DNAH1: variants seen among roughly 807,000 people sequenced by gnomAD.
DNAH1 encodes the protein dynein axonemal heavy chain 1.
In DNAH1, 327 loss-of-function variants were observed where a neutral mutation model predicts 484.3. The ratio of observed to expected loss-of-function variants is 0.68; its 90% CI spans 0.62 to 0.74. DNAH1 has a LOEUF of 0.74. Among genes scored for constraint, DNAH1 ranks in the 30% least tolerant of loss-of-function variants. The pLI is 0.00. For synonymous variants in DNAH1, 2,192 were observed against 2,191.9 expected (o/e 1.00, Z 0.00); for missense variants, 5,052 against 5,546.8 (o/e 0.91, Z 2.83).
intron 8 of DNAH1, among the ~76,000 whole-genome samples, chr3:52,339,481 G>A (rs945352945): frequency 6.6e-6 from 1 of 151,906 alleles, no homozygotes; most frequent in African/African-American, 2.4e-5. Flanking sequence ...GATTCAAGGT[G>A]GTTTTTCAGA....
Position 52,368,041 on chromosome 3 carries a change from G to GA in DNAH1, c.5766-696dup, listed in dbSNP as rs905674691. Reference sequence around the variant, plus strand: ...GGGGCAGGGTGAGCATCAGTGGGTGGAAAATCCAGAGGAAACATCAGTGGT... The same window carrying GA: ...GGGGCAGGGTGAGCATCAGTGGGTGGAAAAATCCAGAGGAAACATCAGTGGT... On this transcript the variant is annotated intron_variant, in intron 36 of 77. Transcript: ENST00000420323. This position sits in a 1 kb window ranked among gnomAD's most constrained non-coding sequence, Gnocchi z 4.4. Among the ~76,000 whole-genome samples the GA allele has an allele frequency of 6.6e-6, 1 of 152,170 alleles. No individual in the cohort carries two copies.
Position 52,395,199 on chromosome 3 carries a change from C to A in DNAH1, c.10969-109C>A. The A allele has an allele frequency of 4.7e-6, 7 of 1,493,038 alleles. No homozygotes were observed. Among genetic ancestry groups the A allele is most frequent in the Admixed American group, 2.1e-5 (1 of 47,372 alleles). 92.5% of individuals were successfully genotyped at this position (1,493,038 alleles called of 1,614,324 possible). A position where few individuals can be genotyped will look rare whatever the true frequency, so the allele number is the denominator to read the frequency against. ...CCCTAAAGGCTCTGAGGTTCCAGCC[C>A]CCACCAGGAAGCCCACTGGGGACCA... is the stretch of plus-strand genomic sequence containing the variant. On this transcript the variant is annotated intron_variant, in intron 68 of 77. Coordinates refer to ENST00000420323, the MANE Select transcript of DNAH1 (RefSeq NM_015512.5). This position sits in a 1 kb window ranked among gnomAD's most constrained non-coding sequence, Gnocchi z 4.4.
chr3:52,340,687 G>A (rs1055224420), intron 8 of DNAH1, among the ~76,000 whole-genome samples: 61 of 152,080 alleles, frequency 4.0e-4, no homozygotes, highest in East Asian at 1.9e-4. Context: ...CACCCACCTC[G>A]GCCTCCCAAA....
In DNAH1 at chr3:52,331,188, G is replaced by C. The variant is rs1395681411; in HGVS notation, c.912G>C (p.Glu304Asp). The stretch of plus-strand genomic sequence containing the variant: ...AGAAGCTGAAGTACAAATGGTGCGA[G>C]GTCGGCGTCCTGGACTACGACGAGG... Reference protein sequence around the residue: ...KSQKLKYKWCEVGVLDYDEEK... With the variant: ...KSQKLKYKWCDVGVLDYDEEK... Residue 304 changes from glutamate to aspartate, a missense_variant, in exon 7 of 78, where the codon GAG (glutamate) becomes GAC (aspartate). Glu to Asp is a conservative substitution (Grantham distance 45). Around this residue, in one of 4 missense-constraint regions of DNAH1, gnomAD observed 1,263 missense variants for 1,218.8 expected, o/e 1.04. Transcript: ENST00000420323. 4.4e-6 allele frequency: 7 copies of C among 1,605,730 alleles called. No individual in the cohort carries two copies. In the East Asian group the frequency reaches 1.6e-4, roughly 36 times the overall value.
chr3:52,334,931 A>C (rs34238085), intron 8 of DNAH1, among the ~76,000 whole-genome samples: 29,842 of 150,894 alleles, frequency 0.2, 3,421 homozygotes, highest in African/African-American at 0.31. Flanking sequence ...TCACTGCAAG[A>C]TCCGCCCCCC....
intron 5 of DNAH1, among the ~76,000 whole-genome samples, chr3:52,327,450 C>G (rs1474500517): frequency 6.6e-6 from 1 of 152,158 alleles, no homozygotes; most frequent in Non-Finnish European, 1.5e-5. Context: ...TAGCTAAGGG[C>G]TACCTCCTGA....
chr3:52,380,064 A>G lies in DNAH1; in HGVS notation c.7537A>G (p.Ile2513Val). The G allele has an allele frequency of 6.2e-7, 1 of 1,605,280 alleles. No individual in the cohort carries two copies. The highest frequency in any genetic ancestry group is 8.5e-7 in the Non-Finnish European group (1 of 1,175,958). The change falls in exon 48 of 78, where the codon ATT becomes GTT. Residue 2513 changes from isoleucine (I) to valine (V), a missense_variant. By Grantham distance (29) the Ile-to-Val change is conservative (BLOSUM62 3). Transcript: ENST00000420323. ...CAACAAGGTCTGCCCCTTCCAGCCC[A>G]TTCTTTACGGGGACTTCATGTCACC... ...TFNKVCPFQP[I>V]LYGDFMSPGS...
chr3:52,357,289 G>A (rs1227329867), intron 22 of DNAH1, among the ~76,000 whole-genome samples: 6 of 152,110 alleles, frequency 3.9e-5, no homozygotes, highest in African/African-American at 1.2e-4. Flanking sequence ...CCTGACCTCA[G>A]GTGATCTACC....
At chr3:52,360,623 T>C (rs1702815245) in intron 28 of DNAH1, among the ~76,000 whole-genome samples, 199 bp downstream of exon 28, 1 of 152,068 alleles carries the variant, frequency 6.6e-6, no homozygotes, top group African/African-American at 2.4e-5. Context: ...ACTTGACCCC[T>C]CTGTGCCTGA....
chr3:52,399,669 A>G lies in DNAH1; in HGVS notation c.12566A>G (p.Lys4189Arg), dbSNP rs1578212960. The part of the protein sequence containing the change: ...EAFQLAESQP[K>R]ELYTEMAVIW... Reference sequence around the variant, plus strand: ...TTCCAGCTGGCTGAGTCTCAGCCCAAGGAGCTGTACACAGAGATGGCCGTT... The same window carrying G: ...TTCCAGCTGGCTGAGTCTCAGCCCAGGGAGCTGTACACAGAGATGGCCGTT... The change falls in exon 77 of 78, where the codon AAG becomes AGG. Residue 4189 changes from lysine to arginine, a missense_variant. Physicochemically the swap from Lys to Arg is conservative, Grantham distance 26. This residue lies in a region of DNAH1 where 853 missense variants were observed against 899.0 expected (regional missense o/e 0.95). Coordinates refer to ENST00000420323, the MANE Select transcript of DNAH1 (RefSeq NM_015512.5). 5 of 1,614,022 alleles carry G rather than the reference A, an allele frequency of 3.1e-6. No individual in the cohort carries two copies. The East Asian group carries it at 1.1e-4, about 36-fold the overall frequency.
intron 32 of DNAH1, among the ~76,000 whole-genome samples, chr3:52,363,540 C>T (rs1702950630): frequency 6.6e-6 from 1 of 152,210 alleles, no homozygotes; most frequent in African/African-American, 2.4e-5. Context: ...CCCAGCACCA[C>T]CATCCTTCCA....
intron 60 of DNAH1, 104 bp from the exon 61 acceptor site, chr3:52,390,831 G>A (rs568057119): frequency 6.7e-7 from 1 of 1,500,538 alleles, no homozygotes; most frequent in African/African-American, 1.4e-5. Context: ...GCAGTAAGGA[G>A]AGGGAAGTCC....
chr3:52,372,856 G>T lies in DNAH1; in HGVS notation c.6828-40G>T, dbSNP rs780815872. The T allele has an allele frequency of 1.9e-6, 3 of 1,584,414 alleles. No homozygotes were observed. In the African/African-American group the frequency reaches 4.1e-5, roughly 21 times the overall value. The stretch of plus-strand genomic sequence containing the variant: ...CGCCCCTGGATTCTCAGAGGACCTG[G>T]TGCCTGTGGGTGCTGGGCTCACACA... On this transcript the variant is annotated intron_variant, in intron 43 of 77. Transcript: ENST00000420323.
rs1363953817 is a variant in DNAH1 at position 52,353,866 on chromosome 3, A to G, written c.3480+233A>G. Reference sequence around the variant, plus strand: ...TTCAGTTACTCCTCTCAAGAGCCCCAGGAAGGAGCTAATAGCATTAGCCTC... The same window carrying G: ...TTCAGTTACTCCTCTCAAGAGCCCCGGGAAGGAGCTAATAGCATTAGCCTC... On this transcript the variant is annotated intron_variant, in intron 20 of 77. Coordinates refer to ENST00000420323, the MANE Select transcript of DNAH1 (RefSeq NM_015512.5). This position sits in a 1 kb window ranked among gnomAD's most constrained non-coding sequence, Gnocchi z 5.0. The G allele has an allele frequency of 1.4e-5, 8 of 589,536 alleles. No homozygotes were observed. Among genetic ancestry groups the G allele is most frequent in the Non-Finnish European group, 2.3e-5 (8 of 342,190 alleles). 36.5% of individuals were successfully genotyped at this position (589,536 alleles called of 1,614,324 possible). A position where few individuals can be genotyped will look rare whatever the true frequency, so the allele number is the denominator to read the frequency against.
chr3:52,386,692 GT>G lies in DNAH1; in HGVS notation c.8843del (p.Val2948GlyfsTer5). ...VRAMQRPPPG[V>X]KLVIEAVCIM... Reference sequence around the variant, plus strand: ...TGCCATGCAGCGGCCACCCCCGGGTGTGAAACTGGTCATAGAAGCTGTGTGC... The same window carrying G: ...TGCCATGCAGCGGCCACCCCCGGGTGGAAACTGGTCATAGAAGCTGTGTGC... On this transcript the variant is annotated frameshift_variant, in exon 56 of 78. Coordinates refer to ENST00000420323, the MANE Select transcript of DNAH1 (RefSeq NM_015512.5). LOFTEE classifies it high-confidence loss of function. 1 of 1,591,024 alleles carries G rather than the reference GT, an allele frequency of 6.3e-7. No homozygotes were observed. The highest frequency in any genetic ancestry group is 8.6e-7 in the Non-Finnish European group (1 of 1,169,258).
In DNAH1 at chr3:52,388,860, C is replaced by T. The variant is rs746475963; in HGVS notation, c.9418C>T (p.Leu3140=). The T allele has an allele frequency of 1.9e-6, 3 of 1,613,824 alleles. No individual in the cohort carries two copies. The highest frequency in any genetic ancestry group is 2.5e-6 in the Non-Finnish European group (3 of 1,179,876). The change falls in exon 59 of 78, where the codon CTG becomes TTG. Residue 3140 remains leucine, a synonymous_variant. Transcript: ENST00000420323. The part of the protein sequence containing the change: ...KVRWQETVEN[L]QYMLNNISGD... Reference sequence around the variant, plus strand: ...GCGCTGGCAGGAGACGGTGGAGAACCTGCAGTACATGCTCAACAACATCTC... The same window carrying T: ...GCGCTGGCAGGAGACGGTGGAGAACTTGCAGTACATGCTCAACAACATCTC...
chr3:52,344,649 T>G lies in DNAH1; in HGVS notation c.1444+2T>G. The stretch of plus-strand genomic sequence containing the variant: ...AGGAGGAGCAGGTGCCTGAGCGAGG[T>G]GAGGGTCACTGGACCAAGATGGGCT... On this transcript the variant is annotated splice_donor_variant, in intron 9 of 77. Transcript: ENST00000420323. LOFTEE classifies it high-confidence loss of function. The G allele has an allele frequency of 6.2e-7, 1 of 1,611,560 alleles. No individual in the cohort carries two copies. The highest frequency in any genetic ancestry group is 8.5e-7 in the Non-Finnish European group (1 of 1,179,328).
chr3:52,356,555 AC>A, intron 21 of DNAH1, 58 bp from the exon 22 acceptor site: 1 of 1,575,734 alleles, frequency 6.3e-7, no homozygotes, highest in South Asian at 1.1e-5. Context: ...ATTGGGACAA[AC>A]CCCAGCTTGG....
chr3:52,368,881 T>G lies in DNAH1; in HGVS notation c.5906T>G (p.Leu1969Arg). ...MNTVLDDNKKLCLSSGEIIKL... is the reference protein window; with the variant it reads ...MNTVLDDNKKRCLSSGEIIKL... ...ACGGTGCTGGATGACAACAAGAAGC[T>G]GTGCCTCAGCTCTGGGGAGATCATC... Residue 1969 changes from leucine (L) to arginine (R), a missense_variant, in exon 37 of 78, where the codon CTG becomes CGG. This residue lies in a region of DNAH1 where 2,929 missense variants were observed against 3,409.4 expected (regional missense o/e 0.86). Coordinates refer to ENST00000420323, the MANE Select transcript of DNAH1 (RefSeq NM_015512.5). This position sits in a 1 kb window ranked among gnomAD's most constrained non-coding sequence, Gnocchi z 4.4. The G allele has an allele frequency of 6.2e-7, 1 of 1,614,018 alleles. No homozygotes were observed. The highest frequency in any genetic ancestry group is 1.1e-5 in the South Asian group (1 of 91,078).
Sources: gnomAD v4.1 joint callset for allele counts (sites outside exome capture counted in the v4.1 genomes callset) on GRCh38, gnomAD v4.1.1 for gene constraint, gnomAD v4.1.1 regional missense constraint, Gnocchi (gnomAD v3.1) non-coding constraint, MANE v1.5 for transcripts, NCBI Gene and HGNC (gene_info 2026-07-23, HGNC 2026-07-21) for gene names.